The following CNTNAP2 variants were observed in gnomAD, a reference collection of about 807,000 sequenced individuals.
CNTNAP2 encodes the protein contactin-associated protein-like 2.
A neutral mutation model predicts 155.2 loss-of-function variants in CNTNAP2; 98 were observed. The ratio of observed to expected loss-of-function variants is 0.63; its 90% CI spans 0.54 to 0.75. The LOEUF (loss-of-function observed/expected upper bound fraction) is 0.75. Ranked by LOEUF, CNTNAP2 falls within the 30% of genes least tolerant of loss-of-function variation. The pLI is 0.00. For missense variants in CNTNAP2, 1,727 were observed against 1,688.1 expected, an observed-to-expected ratio of 1.02 and a Z score of -0.40; for synonymous variants, 651 against 631.2, an observed-to-expected ratio of 1.03 and a Z score of -0.47.
At chr7:147,398,230 G>T (rs542441879) in intron 10 of CNTNAP2, among the ~76,000 whole-genome samples, 5 of 152,038 alleles carry the variant, frequency 3.3e-5, no homozygotes, top group African/African-American at 1.2e-4. Context: ...ATCCTTTAAT[G>T]ATACACCCCT....
chr7:148,267,296 C>A (rs1196418503), intron 21 of CNTNAP2, among the ~76,000 whole-genome samples, 170 bp downstream of exon 21: 2 of 151,668 alleles, frequency 1.3e-5, no homozygotes, highest in Non-Finnish European at 2.9e-5. Flanking sequence ...AGCAAAGCGT[C>A]AACAAATTAT....
chr7:146,166,014 G>T (rs1474479669), intron 1 of CNTNAP2, among the ~76,000 whole-genome samples: 4 of 152,078 alleles, frequency 2.6e-5, no homozygotes, highest in African/African-American at 7.2e-5. Context: ...TAAATTATAG[G>T]TTTATTTTGT....
intron 1 of CNTNAP2, among the ~76,000 whole-genome samples, chr7:146,458,184 T>C (rs534317102): frequency 6.6e-6 from 1 of 152,212 alleles, no homozygotes; most frequent in Admixed American, 6.5e-5. Context: ...GAATAGCTAA[T>C]GGATGCTGGG....
At position 147,132,275 on chromosome 7, in the gene CNTNAP2, T is replaced by C; in HGVS notation, c.1114T>C (p.Tyr372His). Residue 372 changes from tyrosine (Y) to histidine (H), a missense_variant, in exon 8 of 24, where the codon TAT (tyrosine) becomes CAT (histidine). Tyr to His is a moderately conservative substitution (Grantham distance 83). Transcript: ENST00000361727. ...GNLSFSCVEP[Y>H]TVPVFFNATS... The stretch of plus-strand genomic sequence containing the variant: ...TTTGAGCTTTTCTTGTGTGGAACCC[T>C]ATACGGTGCCTGTCTTTTTCAACGC... 1.2e-6 allele frequency: 2 copies of C among 1,613,764 alleles called. No homozygotes were observed. Among genetic ancestry groups the C allele is most frequent in the Non-Finnish European group, 1.7e-6 (2 of 1,179,776 alleles).
intron 13 of CNTNAP2, among the ~76,000 whole-genome samples, chr7:147,767,309 G>C (rs1041732191): frequency 5.9e-5 from 9 of 151,954 alleles, no homozygotes; most frequent in Admixed American, 5.3e-4. Flanking sequence ...CTTGCAGTTT[G>C]AGCTAAATAA....
chr7:147,504,459 C>T (rs958945425), intron 11 of CNTNAP2, among the ~76,000 whole-genome samples: 2 of 151,960 alleles, frequency 1.3e-5, no homozygotes, highest in African/African-American at 2.4e-5. Flanking sequence ...GAGGCCGAGG[C>T]GGGAGGATCA....
rs553127112 is a variant in CNTNAP2, at chr7:148,420,582, C to A, written c.*4966C>A. On this transcript the variant is annotated 3_prime_UTR_variant, in exon 24 of 24. Coordinates refer to ENST00000361727, the MANE Select transcript of CNTNAP2 (RefSeq NM_014141.6). ...AAATTGTGCTATAAGAACAGCTCTA[C>A]CAAGACAGTCTGCACCATTTCCAAG... 1.3e-5 allele frequency: 2 copies of A among 152,348 alleles called. No individual in the cohort carries two copies. Among genetic ancestry groups the A allele is most frequent in the South Asian group, 4.1e-4 (2 of 4,824 alleles). 9.4% of individuals were successfully genotyped at this position (152,348 alleles called of 1,614,324 possible).
chr7:146,787,379 C>T (rs745524851), intron 2 of CNTNAP2, among the ~76,000 whole-genome samples: 3 of 152,216 alleles, frequency 2.0e-5, no homozygotes, highest in Non-Finnish European at 4.4e-5. Flanking sequence ...TTCCTTCAGA[C>T]GTCCAGATGT....
At chr7:146,842,788 C>T (rs966762636) in intron 3 of CNTNAP2, among the ~76,000 whole-genome samples, 2 of 151,786 alleles carry the variant, frequency 1.3e-5, no homozygotes, top group Non-Finnish European at 2.9e-5. Context: ...CGGTTTCACG[C>T]CATTCTCCTG....
rs78684350 is a variant in CNTNAP2 at position 147,665,322 on chromosome 7, G to A, written c.2098+26016G>A. On this transcript the variant is annotated intron_variant, in intron 13 of 23. Coordinates refer to ENST00000361727, the MANE Select transcript of CNTNAP2 (RefSeq NM_014141.6). ...TAGTATAGTTCATTCTCATTACTGT[G>A]TATGTGAGTATATTACAAATTGTCT... Among the ~76,000 whole-genome samples, 158 of 152,268 alleles carry A rather than the reference G, an allele frequency of 1.0e-3. 4 individuals are homozygous for A. The East Asian group carries it at 0.028, about 27-fold the overall frequency.
intron 13 of CNTNAP2, among the ~76,000 whole-genome samples, chr7:147,881,198 G>A (rs1647749730): frequency 6.6e-6 from 1 of 152,300 alleles, no homozygotes; most frequent in South Asian, 2.1e-4. Flanking sequence ...ATAGATACAT[G>A]TGTTTTGTTG....
intron 11 of CNTNAP2, among the ~76,000 whole-genome samples, chr7:147,511,570 T>A (rs1260824370): frequency 6.6e-6 from 1 of 151,954 alleles, no homozygotes; most frequent in Admixed American, 6.6e-5. Flanking sequence ...ATTTTTTATG[T>A]GTACATAATG....
chr7:146,537,139 A>G (rs1270801446), intron 1 of CNTNAP2, among the ~76,000 whole-genome samples: 1 of 152,132 alleles, frequency 6.6e-6, no homozygotes, highest in East Asian at 1.9e-4. Context: ...GTTTTGATAG[A>G]TAAGAAATTT....
chr7:148,216,055 T>C (rs992023872), intron 18 of CNTNAP2, among the ~76,000 whole-genome samples: 1 of 152,198 alleles, frequency 6.6e-6, no homozygotes, highest in Non-Finnish European at 1.5e-5. Flanking sequence ...AGCAAGGCCC[T>C]TGTAGAAGGC....
At chr7:146,122,075 C>T (rs1015319718) in intron 1 of CNTNAP2, among the ~76,000 whole-genome samples, 3 of 152,174 alleles carry the variant, frequency 2.0e-5, no homozygotes, top group African/African-American at 7.2e-5. Context: ...GTCCGTCTAT[C>T]ACACTCTTAG....
chr7:147,933,494 GAGATAGATAGATAGAT>G (rs71183037), intron 14 of CNTNAP2, among the ~76,000 whole-genome samples: 3,175 of 120,702 alleles, frequency 0.026, 58 homozygotes, highest in South Asian at 0.1. Flanking sequence ...CAGAAAATGT[GAGATAGATAGATAGAT>G]AGATAGATAG....
chr7:146,821,442 A>G (rs2129196233), intron 2 of CNTNAP2, among the ~76,000 whole-genome samples: 1 of 152,262 alleles, frequency 6.6e-6, no homozygotes, highest in Non-Finnish European at 1.5e-5. Flanking sequence ...TTGGCTGGAT[A>G]TGAAATTCTG....
At chr7:146,252,985 T>C (rs780915376) in intron 1 of CNTNAP2, among the ~76,000 whole-genome samples, 1 of 152,188 alleles carries the variant, frequency 6.6e-6, no homozygotes, top group Non-Finnish European at 1.5e-5. Context: ...AAAAGCTTTA[T>C]GTACAGTCTT....
intron 15 of CNTNAP2, among the ~76,000 whole-genome samples, chr7:148,027,010 G>C (rs1802388234): frequency 6.6e-6 from 1 of 152,168 alleles, no homozygotes; most frequent in African/African-American, 2.4e-5. Context: ...CAGAGGCTTT[G>C]ATGCAAAATA....
Sources: gnomAD v4.1 joint callset for allele counts (sites outside exome capture counted in the v4.1 genomes callset) on GRCh38, gnomAD v4.1.1 for gene constraint, MANE v1.5 for transcripts, NCBI Gene and HGNC (gene_info 2026-07-23, HGNC 2026-07-21) for gene names.